Variants in CEP63 observed in about 807,000 individuals in gnomAD.
The protein encoded by CEP63 is centrosomal protein of 63 kDa.
CEP63 carries 84 observed loss-of-function variants against 89.1 expected under a neutral mutation model. The ratio of observed to expected loss-of-function variants is 0.94; its 90% CI spans 0.79 to 1.13. The LOEUF (loss-of-function observed/expected upper bound fraction) is 1.13, where lower values mean the gene tolerates loss of function less well. Among genes scored for constraint, CEP63 ranks in the 50% most tolerant of loss-of-function variants. The probability of loss-of-function intolerance (pLI) is 0.00; values close to 1 mark genes in which losing one functional copy is unlikely to be tolerated. For synonymous variants in CEP63, 267 were observed against 272.5 expected, an observed-to-expected ratio of 0.98 and a Z score of 0.20; for missense variants, 838 against 813.3, an observed-to-expected ratio of 1.03 and a Z score of -0.37.
the CEP63 span, among the ~76,000 whole-genome samples, chr3:134,691,242 C>T: frequency 6.6e-6 from 1 of 151,684 alleles, no homozygotes; most frequent in Non-Finnish European, 1.5e-5. Flanking sequence ...CCTGTAGTCC[C>T]AGCTACTCAG....
At chr3:134,651,722 C>G in the CEP63 span, 3 of 648,282 alleles carry the variant, frequency 4.6e-6, no homozygotes, top group East Asian at 1.4e-4. Context: ...TCGGTTCGTT[C>G]TAGAAGCCTG....
At chr3:134,635,487 ACT>A in the CEP63 span, among the ~76,000 whole-genome samples, 2 of 70,554 alleles carry the variant, frequency 2.8e-5, no homozygotes, top group Non-Finnish European at 5.2e-5. Context: ...ACAGAGCGAG[ACT>A]CTGTAAAAAA....
At chr3:134,556,478 G>T (rs1311728794) in intron 12 of CEP63, among the ~76,000 whole-genome samples, 2 of 151,704 alleles carry the variant, frequency 1.3e-5, no homozygotes, top group Non-Finnish European at 2.9e-5. Context: ...GGAAGGAAGG[G>T]AGGGAGGGAA....
chr3:134,763,991 G>GC, the CEP63 span, among the ~76,000 whole-genome samples: 1 of 152,172 alleles, frequency 6.6e-6, no homozygotes, highest in South Asian at 2.1e-4. Flanking sequence ...ATAGTCCAAG[G>GC]CTAGCTTTGT....
At chr3:134,657,805 C>T in the CEP63 span, among the ~76,000 whole-genome samples, 1 of 152,198 alleles carries the variant, frequency 6.6e-6, no homozygotes, top group African/African-American at 2.4e-5. Context: ...GTATGTCAAC[C>T]TCTCCATACA....
chr3:134,629,817 C>T, the CEP63 span: 1 of 654,242 alleles, frequency 1.5e-6, no homozygotes, highest in Non-Finnish European at 2.7e-6. Context: ...GTGTACAAAT[C>T]ATCCTTGTTT....
At chr3:134,544,639 G>A (rs1186749512) in intron 6 of CEP63, among the ~76,000 whole-genome samples, 1 of 150,172 alleles carries the variant, frequency 6.7e-6, no homozygotes, top group African/African-American at 2.5e-5. Flanking sequence ...CTCTAGGTGG[G>A]GGGGGGAATT....
intron 2 of CEP63, among the ~76,000 whole-genome samples, chr3:134,506,726 C>A (rs1275962787): frequency 6.6e-6 from 1 of 151,924 alleles, no homozygotes; most frequent in Non-Finnish European, 1.5e-5. Context: ...TCAAAACCAG[C>A]CTGGCCTACA....
At chr3:134,637,163 A>G in the CEP63 span, among the ~76,000 whole-genome samples, 9 of 152,248 alleles carry the variant, frequency 5.9e-5, no homozygotes, top group Admixed American at 5.9e-4. Flanking sequence ...AGCATATTCA[A>G]TGTTGAGAGA....
the CEP63 span, among the ~76,000 whole-genome samples, chr3:134,701,162 TATAC>T: frequency 2.0e-5 from 3 of 150,436 alleles, no homozygotes; most frequent in Non-Finnish European, 3.0e-5. Context: ...ACATACATTA[TATAC>T]ATACATACAT....
the CEP63 span, among the ~76,000 whole-genome samples, chr3:134,617,630 A>G: frequency 6.6e-6 from 1 of 152,198 alleles, no homozygotes; most frequent in Non-Finnish European, 1.5e-5. Context: ...CATTTTATAA[A>G]CCATCTACAA....
rs1332980004 is a variant in CEP63 at position 134,563,831 on chromosome 3, A to C, written c.*2296A>C. 4 of 152,232 alleles carry C rather than the reference A, an allele frequency of 2.6e-5. No homozygotes were observed. The highest frequency in any genetic ancestry group is 5.9e-5 in the Non-Finnish European group (4 of 68,134). The allele number at this position is 152,232 out of a possible 1,614,324, so 9.4% of individuals were successfully genotyped here. A position where few individuals can be genotyped will look rare whatever the true frequency, so the allele number is the denominator to read the frequency against. On this transcript the variant is annotated 3_prime_UTR_variant, in exon 15 of 15. Transcript: ENST00000675561. ...ATTGCATCATCCTTTACTGTGCTCC[A>C]CCCATGCTGGCGTCCTTTCTGTTTA...
the CEP63 span, chr3:134,603,506 T>G: frequency 3.6e-6 from 5 of 1,383,646 alleles, no homozygotes; most frequent in Admixed American, 9.1e-5. Flanking sequence ...CAGGGCTCCC[T>G]GCACTTCCTT....
At chr3:134,635,493 T>TTA in the CEP63 span, among the ~76,000 whole-genome samples, 1 of 79,352 alleles carries the variant, frequency 1.3e-5, no homozygotes, top group Admixed American at 1.8e-4. Flanking sequence ...CGAGACTCTG[T>TTA]AAAAAAAAAA....
chr3:134,682,683 T>C, the CEP63 span, among the ~76,000 whole-genome samples: 1 of 152,214 alleles, frequency 6.6e-6, no homozygotes, highest in African/African-American at 2.4e-5. Flanking sequence ...GGAATGTTAC[T>C]GATGAAGATG....
At chr3:134,747,905 T>C in the CEP63 span, among the ~76,000 whole-genome samples, 1 of 152,118 alleles carries the variant, frequency 6.6e-6, no homozygotes, top group Non-Finnish European at 1.5e-5. Context: ...CCTGCCTCAG[T>C]CTCCTGAGTA....
At chr3:134,708,990 T>C in the CEP63 span, among the ~76,000 whole-genome samples, 4 of 152,158 alleles carry the variant, frequency 2.6e-5, no homozygotes, top group Non-Finnish European at 4.4e-5. Context: ...AAAAAACCAC[T>C]GTCTTCATAG....
At chr3:134,698,567 C>T in the CEP63 span, among the ~76,000 whole-genome samples, 5 of 152,188 alleles carry the variant, frequency 3.3e-5, no homozygotes, top group African/African-American at 9.7e-5. Flanking sequence ...TTTGCAGCTG[C>T]TGCCTGTCAG....
At chr3:134,726,349 C>G in the CEP63 span, among the ~76,000 whole-genome samples, 4 of 152,066 alleles carry the variant, frequency 2.6e-5, no homozygotes, top group Admixed American at 1.3e-4. Flanking sequence ...TCGGGCTTGA[C>G]ATTTTAATCC....
Sources: gnomAD v4.1 joint callset for allele counts (sites outside exome capture counted in the v4.1 genomes callset) on GRCh38, gnomAD v4.1.1 for gene constraint, MANE v1.5 for transcripts, NCBI Gene and HGNC (gene_info 2026-07-23, HGNC 2026-07-21) for gene names.